Variants in LAMA5 observed in about 807,000 individuals in gnomAD.
The protein encoded by LAMA5 is laminin subunit alpha 5.
LAMA5 carries 260 observed loss-of-function variants against 433.4 expected under a neutral mutation model. That is an observed-to-expected ratio of 0.60 (90% CI 0.54 to 0.66). The LOEUF is 0.66. Ranked by LOEUF, LAMA5 falls within the 30% of genes least tolerant of loss-of-function variation. LAMA5 has a pLI of 0.00. For missense variants in LAMA5, 5,378 were observed against 5,258.5 expected, an observed-to-expected ratio of 1.02 and a Z score of -0.70; for synonymous variants, 2,620 against 2,226.6, an observed-to-expected ratio of 1.18 and a Z score of -4.97.
In LAMA5 at chr20:62,311,925, G is replaced by A; in HGVS notation, c.9630C>T (p.Ala3210=). ...GGCCCAGCGGCCAGGCTCACCCCGT[G>A]GCATTGCTGTAGAAGGCGACGTAAT... is the stretch of plus-strand genomic sequence containing the variant. ...APHYVAFYSN[A]TGVWLYVDDQ... Residue 3210 remains alanine, a synonymous_variant, in exon 70 of 80, where the codon GCC becomes GCT. Transcript: ENST00000252999. 2 of 1,610,558 alleles carry A rather than the reference G, an allele frequency of 1.2e-6. No individual in the cohort carries two copies. Among genetic ancestry groups the A allele is most frequent in the African/African-American group, 1.3e-5 (1 of 74,970 alleles).
chr20:62,323,543 C>T lies in LAMA5; in HGVS notation c.5977G>A (p.Gly1993Ser), dbSNP rs1404564187. The T allele has an allele frequency of 2.7e-5, 43 of 1,589,340 alleles. No homozygotes were observed. Among genetic ancestry groups the T allele is most frequent in the Non-Finnish European group, 3.5e-5 (41 of 1,170,798 alleles). Residue 1993 changes from glycine (G) to serine (S), a missense_variant, in exon 45 of 80, where the codon GGC becomes AGC. Transcript: ENST00000252999. Reference sequence around the variant, plus strand: ...GGCCCAGTGGTGTGGCGCAGGCAGCCACGGCAGGCGCCCGTCAGGGGGTCG... The same window carrying T: ...GGCCCAGTGGTGTGGCGCAGGCAGCTACGGCAGGCGCCCGTCAGGGGGTCG... ...DCDPLTGACRGCLRHTTGPRC... is the reference protein window; with the variant it reads ...DCDPLTGACRSCLRHTTGPRC...
intron 12 of LAMA5, 45 bp downstream of exon 12, chr20:62,338,423 C>A: frequency 1.2e-6 from 2 of 1,607,462 alleles, no homozygotes; most frequent in African/African-American, 1.3e-5. Context: ...CCTCAGGTGT[C>A]CACCTCGAGC....
At chr20:62,317,128 A>C in intron 55 of LAMA5, 105 bp from the exon 56 acceptor site, 1 of 1,328,818 alleles carries the variant, frequency 7.5e-7, no homozygotes, top group Non-Finnish European at 1.0e-6. Context: ...CCTGCCCGCC[A>C]AGTCCCGCCT....
chr20:62,357,063 G>T (rs1374447819), intron 2 of LAMA5, among the ~76,000 whole-genome samples: 1 of 152,272 alleles, frequency 6.6e-6, no homozygotes, highest in Admixed American at 6.5e-5. Flanking sequence ...GCAGCCTCCT[G>T]GGCTGAGGCA....
At chr20:62,352,200 C>T (rs745373398) in intron 4 of LAMA5, 42 bp downstream of exon 4, 9 of 1,567,696 alleles carry the variant, frequency 5.7e-6, no homozygotes, top group Admixed American at 5.1e-5. Flanking sequence ...CCCACCTCTC[C>T]GTTCTCCAGC....
intron 2 of LAMA5, among the ~76,000 whole-genome samples, chr20:62,361,133 T>C (rs1266287213): frequency 6.6e-6 from 1 of 151,978 alleles, no homozygotes; most frequent in Non-Finnish European, 1.5e-5. Flanking sequence ...ACAGCCAAGG[T>C]GGGGGCCTCT....
At position 62,314,703 on chromosome 20, in the gene LAMA5, T is replaced by C. The variant is rs540719244; in HGVS notation, c.8219A>G (p.Asn2740Ser). 3.1e-5 allele frequency: 50 copies of C among 1,612,644 alleles called. No individual in the cohort carries two copies. The South Asian group carries it at 3.8e-4, about 12-fold the overall frequency. ...ASKVKVPMKF[N>S]GRSGVQLRTP... ...GCGCAGCTGCACCCCTGAGCGCCCG[T>C]TGAACTTCATGGGCACCTTGACCTG... The change falls in exon 61 of 80, where the codon AAC becomes AGC. Residue 2740 changes from asparagine (N) to serine (S), a missense_variant. Physicochemically the swap from Asn to Ser is conservative, Grantham distance 46 (BLOSUM62 1). Transcript: ENST00000252999.
chr20:62,366,387 G>A (rs1301603350), intron 1 of LAMA5, among the ~76,000 whole-genome samples: 1 of 152,220 alleles, frequency 6.6e-6, no homozygotes, highest in Non-Finnish European at 1.5e-5. Flanking sequence ...GCTGGGCAGA[G>A]ATGCTGCCCC....
Position 62,351,993 on chromosome 20 carries a change from G to A in LAMA5, c.774C>T (p.Asn258=), listed in dbSNP as rs1037297731. The A allele has an allele frequency of 2.5e-6, 4 of 1,612,564 alleles. No individual in the cohort carries two copies. The highest frequency in any genetic ancestry group is 2.2e-5 in the East Asian group (1 of 44,886). ...TGGTACGCAGGAAGCGCAGGCGGAC[G>A]TTGGTGGCCTTGGTGAACTCACGTA... ...PLLREFTKAT[N]VRLRFLRTNT... The change falls in exon 5 of 80, where the codon AAC becomes AAT. Residue 258 remains asparagine, a synonymous_variant. Transcript: ENST00000252999.
chr20:62,327,367 G>C lies in LAMA5; in HGVS notation c.4978C>G (p.Arg1660Gly). 1 of 1,598,248 alleles carries C rather than the reference G, an allele frequency of 6.3e-7. No individual in the cohort carries two copies. The highest frequency in any genetic ancestry group is 8.5e-7 in the Non-Finnish European group (1 of 1,172,206). The change falls in exon 38 of 80, where the codon CGG becomes GGG. Residue 1660 changes from arginine to glycine, a missense_variant. Transcript: ENST00000252999. Reference sequence around the variant, plus strand: ...TGCCGCTCGTGGGGCACCACCTGCCGGTCAGTGCTCAGCAGCACCCATCCC... The same window carrying C: ...TGCCGCTCGTGGGGCACCACCTGCCCGTCAGTGCTCAGCAGCACCCATCCC... ...MEGWVLLSTD[R>G]QVVPHERQPG...
At chr20:62,346,007 CCTCCACCCCCTGCAGGGCTCCCGGA>C in intron 10 of LAMA5, 49 bp downstream of exon 10, 1 of 1,598,552 alleles carries the variant, frequency 6.3e-7, no homozygotes, top group Non-Finnish European at 8.6e-7. Context: ...CCGGGGAACC[CCTCCACCCCCTGCAGGGCTCCCGGA>C]GTCCAGCAGG....
At chr20:62,336,012 G>GC (rs1981553837) in intron 18 of LAMA5, among the ~76,000 whole-genome samples, 2 of 119,622 alleles carry the variant, frequency 1.7e-5, no homozygotes, top group Admixed American at 8.4e-5. Context: ...ACTCACAGGT[G>GC]CAGCCCCTCC....
rs146292551 is a variant in LAMA5 at position 62,310,071 on chromosome 20, C to T, written c.10745G>A (p.Arg3582Gln). 2.2e-3 allele frequency: 3,582 copies of T among 1,610,824 alleles called. 15 individuals are homozygous for T. Among genetic ancestry groups the T allele is most frequent in the South Asian group, 2.7e-3 (241 of 90,936 alleles). Residue 3582 changes from arginine to glutamine, a missense_variant, in exon 78 of 80, where the codon CGG becomes CAG. Coordinates refer to ENST00000252999, the MANE Select transcript of LAMA5 (RefSeq NM_005560.6). The stretch of plus-strand genomic sequence containing the variant: ...GAACTCCCCTGCTCCGTCATCCGCC[C>T]GCAGCAGGACCTGGCGGGGTAGGAA... ...LQVTEKQVLL[R>Q]ADDGAGEFST...
Position 62,338,530 on chromosome 20 carries a change from G to T in LAMA5, c.1556C>A (p.Pro519His), listed in dbSNP as rs749283348. The T allele has an allele frequency of 8.1e-6, 13 of 1,610,624 alleles. No homozygotes were observed. In the East Asian group the frequency reaches 2.9e-4, roughly 36 times the overall value. ...DPRVGRCLCK[P>H]NFQGTHCELC... ...CTCACAATGGGTGCCTTGGAAGTTG[G>T]GTTTGCACAGACAGCGTCCCACCCT... Residue 519 changes from proline to histidine, a missense_variant, in exon 12 of 80, where the codon CCC becomes CAC. Transcript: ENST00000252999.
intron 57 of LAMA5, 160 bp from the exon 58 acceptor site, chr20:62,316,218 T>C (rs1246156292): frequency 6.4e-6 from 4 of 620,394 alleles, no homozygotes; most frequent in Admixed American, 2.7e-5. Flanking sequence ...TGGGGAGGTG[T>C]TGAGTCTCAG....
chr20:62,348,511 G>A (rs1194026039), intron 6 of LAMA5, among the ~76,000 whole-genome samples: 2 of 152,130 alleles, frequency 1.3e-5, no homozygotes, highest in Non-Finnish European at 2.9e-5. Context: ...GGAGGATGAG[G>A]CAGGAGAATG....
intron 6 of LAMA5, among the ~76,000 whole-genome samples, chr20:62,348,962 T>C (rs1395451242): frequency 6.6e-6 from 1 of 151,908 alleles, no homozygotes; most frequent in Non-Finnish European, 1.5e-5. Flanking sequence ...TGGCCAAGGA[T>C]GGTCTTGAAT....
Position 62,311,170 on chromosome 20 carries a change from A to G in LAMA5, c.10080T>C (p.His3360=). 2 of 1,596,050 alleles carry G rather than the reference A, an allele frequency of 1.3e-6. No individual in the cohort carries two copies. The highest frequency in any genetic ancestry group is 1.7e-6 in the Non-Finnish European group (2 of 1,172,852). ...HLEFVGILAR[H]RNWPSLSMHV... ...GCCGGGCCTGGCCTTACCAGTTCCT[A>G]TGTCGGGCCAGGATGCCCACAAACT... Residue 3360 remains histidine (H), a synonymous_variant, in exon 73 of 80, where the codon CAT becomes CAC. Coordinates refer to ENST00000252999, the MANE Select transcript of LAMA5 (RefSeq NM_005560.6).
intron 11 of LAMA5, among the ~76,000 whole-genome samples, chr20:62,343,387 C>T (rs1213810225): frequency 6.6e-6 from 1 of 152,164 alleles, no homozygotes; most frequent in African/African-American, 2.4e-5. Context: ...GGCAGATTCA[C>T]CTCAAAATTT....
Sources: gnomAD v4.1 joint callset for allele counts (sites outside exome capture counted in the v4.1 genomes callset) on GRCh38, gnomAD v4.1.1 for gene constraint, MANE v1.5 for transcripts, NCBI Gene and HGNC (gene_info 2026-07-23, HGNC 2026-07-21) for gene names.